The following TSHZ3 variants were observed in gnomAD, a reference collection of about 807,000 sequenced individuals.
TSHZ3 encodes the protein teashirt homolog 3.
In TSHZ3, 10 loss-of-function variants were observed where a neutral mutation model predicts 64.5. That is an observed-to-expected ratio of 0.16 (90% CI 0.10 to 0.26). The LOEUF is 0.26. Among genes scored for constraint, TSHZ3 ranks in the 10% least tolerant of loss-of-function variants. The pLI is 1.00. For missense variants in TSHZ3, 1,242 were observed against 1,421.7 expected, an observed-to-expected ratio of 0.87 and a Z score of 2.03; for synonymous variants, 608 against 593.1, an observed-to-expected ratio of 1.03 and a Z score of -0.36.
rs144866637 is a variant in TSHZ3 at position 31,209,620 on chromosome 19, G to A, written n.687-4542C>T. On this transcript the variant is annotated intron_variant and non_coding_transcript_variant, in intron 4 of 6. Coordinates refer to the TSHZ3 transcript ENST00000651361. ...TAATGATCTCATTATTGTCGTGTTC[G>A]TTGTTAAGCGTTTGGTCATGCCTTA... Among the ~76,000 whole-genome samples the A allele has an allele frequency of 3.1e-3, 475 of 152,290 alleles. 2 individuals carry two copies. The highest frequency in any genetic ancestry group is 4.0e-3 in the Non-Finnish European group (272 of 68,016).
chr19:31,290,608 G>A (rs572273915), intron 1 of TSHZ3, among the ~76,000 whole-genome samples: 2 of 152,150 alleles, frequency 1.3e-5, no homozygotes, highest in South Asian at 2.1e-4. Flanking sequence ...CTGGGCACCC[G>A]GAGTCACCTA....
intron 4 of TSHZ3, among the ~76,000 whole-genome samples, chr19:31,217,804 T>C (rs1975352669): frequency 6.6e-6 from 1 of 152,224 alleles, no homozygotes; most frequent in South Asian, 2.1e-4. Flanking sequence ...TCCTCTGTGC[T>C]CTGCCTGTCA....
At chr19:31,259,666 A>T (rs1280707983) in intron 1 of TSHZ3, among the ~76,000 whole-genome samples, 1 of 151,946 alleles carries the variant, frequency 6.6e-6, no homozygotes, top group African/African-American at 2.4e-5. Context: ...AAAAAAAGAG[A>T]AATAGGAGGT....
At chr19:31,350,040 AC>A (rs1208044727), upstream of TSHZ3, among the ~76,000 whole-genome samples, 1 of 109,026 alleles carries the variant, frequency 9.2e-6, no homozygotes, top group Non-Finnish European at 1.9e-5. Flanking sequence ...GGCGCTCGTT[AC>A]CCCCCACCCC....
chr19:31,175,908 G>A (rs1308359788), intron 5 of TSHZ3, among the ~76,000 whole-genome samples: 1 of 152,210 alleles, frequency 6.6e-6, no homozygotes, highest in Non-Finnish European at 1.5e-5. Context: ...GTTCTGGTCT[G>A]GGAATCAAGA....
chr19:31,207,728 G>C (rs895051648), intron 4 of TSHZ3: 4 of 152,158 alleles, frequency 2.6e-5, no homozygotes, highest in African/African-American at 9.7e-5. Flanking sequence ...AGAAAGAATG[G>C]ATTGGCCAGA....
At chr19:31,287,697 A>G (rs1976487598) in intron 1 of TSHZ3, among the ~76,000 whole-genome samples, 1 of 152,140 alleles carries the variant, frequency 6.6e-6, no homozygotes, top group Admixed American at 6.5e-5. Context: ...GAACACAGGT[A>G]ATGGAGATTT....
chr19:31,327,558 T>G (rs1411155465), intron 1 of TSHZ3, among the ~76,000 whole-genome samples: 1 of 152,236 alleles, frequency 6.6e-6, no homozygotes, highest in Non-Finnish European at 1.5e-5. Context: ...CTGATAAGAA[T>G]AAGACTGTGA....
intron 1 of TSHZ3, among the ~76,000 whole-genome samples, chr19:31,341,542 A>G (rs902345527): frequency 6.6e-6 from 1 of 151,464 alleles, no homozygotes; most frequent in African/African-American, 2.4e-5. Context: ...GATATCCTGC[A>G]TGTTATTTCC....
chr19:31,150,702 T>C (rs965123459), exon 7 of TSHZ3, among the ~76,000 whole-genome samples: 2 of 152,174 alleles, frequency 1.3e-5, no homozygotes, highest in Non-Finnish European at 2.9e-5. Context: ...CCCTGCTGTT[T>C]GGTAAAAGGG....
chr19:31,325,483 C>T (rs1916906604), intron 1 of TSHZ3, among the ~76,000 whole-genome samples: 1 of 152,178 alleles, frequency 6.6e-6, no homozygotes, highest in South Asian at 2.1e-4. Flanking sequence ...TTCTGGGTGC[C>T]TGCTGAGCGA....
At chr19:31,347,321 C>T (rs966166003) in intron 1 of TSHZ3, among the ~76,000 whole-genome samples, 6 of 152,114 alleles carry the variant, frequency 3.9e-5, no homozygotes, top group Non-Finnish European at 7.4e-5. Context: ...CTATCAAATA[C>T]GAGTCTCAGA....
chr19:31,172,239 C>T (rs1208404789), intron 5 of TSHZ3, among the ~76,000 whole-genome samples: 2 of 152,194 alleles, frequency 1.3e-5, no homozygotes, highest in African/African-American at 2.4e-5. Context: ...TTAGTGACAA[C>T]CAGCAAGTTG....
At chr19:31,187,485 T>C (rs1371329442) in intron 5 of TSHZ3, among the ~76,000 whole-genome samples, 1 of 152,134 alleles carries the variant, frequency 6.6e-6, no homozygotes, top group Non-Finnish European at 1.5e-5. Flanking sequence ...GTTTTTTTCA[T>C]TACATATAAC....
At position 31,314,931 on chromosome 19, in the gene TSHZ3, G is replaced by A. The variant is rs545712474; in HGVS notation, c.40+34249C>T. ...GCTTACCTCTATGAGAAAGGACGAC[G>A]GGTCCTATATCCCTCTGTGTGTTTC... On this transcript the variant is annotated intron_variant, in intron 1 of 1. Transcript: ENST00000240587. Among the ~76,000 whole-genome samples, 9 of 152,280 alleles carry A rather than the reference G, an allele frequency of 5.9e-5. No individual in the cohort carries two copies. The South Asian group carries it at 6.2e-4, about 11-fold the overall frequency.
intron 1 of TSHZ3, among the ~76,000 whole-genome samples, chr19:31,292,654 CCCAT>C (rs1187478416): frequency 5.9e-5 from 9 of 151,920 alleles, no homozygotes; most frequent in Non-Finnish European, 5.9e-5. Context: ...CATCCATCTA[CCCAT>C]CCATCCATCC....
chr19:31,189,883 G>A (rs576364273), intron 5 of TSHZ3, among the ~76,000 whole-genome samples: 6 of 152,124 alleles, frequency 3.9e-5, no homozygotes, highest in African/African-American at 9.6e-5. Context: ...GTTTGGAAAC[G>A]TTGTTGTTGT....
intron 4 of TSHZ3, among the ~76,000 whole-genome samples, chr19:31,208,104 GATAA>G (rs1975210779): frequency 6.6e-6 from 1 of 152,204 alleles, no homozygotes; most frequent in East Asian, 1.9e-4. Flanking sequence ...CTCTTCAGTA[GATAA>G]ATGAATGAAT....
chr19:31,233,754 C>T (rs1248710029), intron 3 of TSHZ3, among the ~76,000 whole-genome samples: 3 of 152,128 alleles, frequency 2.0e-5, no homozygotes, highest in Non-Finnish European at 4.4e-5. Flanking sequence ...ATTAATTCTT[C>T]AAAACAACGT....
Sources: gnomAD v4.1 joint callset for allele counts (sites outside exome capture counted in the v4.1 genomes callset) on GRCh38, gnomAD v4.1.1 for gene constraint, MANE v1.5 for transcripts, NCBI Gene and HGNC (gene_info 2026-07-23, HGNC 2026-07-21) for gene names.